Variants in NCL observed in about 807,000 individuals in gnomAD.
The protein encoded by NCL is nucleolin multifunctional protein.
A neutral mutation model predicts 77.7 loss-of-function variants in NCL; 4 were observed. The observed-to-expected ratio is 0.05, with a 90% CI of 0.03 to 0.12. The LOEUF (loss-of-function observed/expected upper bound fraction) is 0.12. Ranked by LOEUF, NCL falls within the 10% of genes least tolerant of loss-of-function variation. The probability of loss-of-function intolerance (pLI) is 1.00; values close to 1 mark genes in which losing one functional copy is unlikely to be tolerated. For synonymous variants in NCL, 344 were observed against 297.8 expected, an observed-to-expected ratio of 1.16 and a Z score of -1.60; for missense variants, 763 against 860.9, an observed-to-expected ratio of 0.89 and a Z score of 1.42.
chr2:231,458,804 T>C (rs1041249009), intron 7 of NCL, 197 bp downstream of exon 7: 7 of 552,742 alleles, frequency 1.3e-5, no homozygotes, highest in Non-Finnish European at 1.4e-5. Flanking sequence ...CTCAGGAATT[T>C]ACACTATAAC....
At chr2:231,460,037 TG>T in intron 6 of NCL, 114 bp downstream of exon 6, 1 of 1,210,596 alleles carries the variant, frequency 8.3e-7, no homozygotes, top group Non-Finnish European at 1.2e-6. Context: ...TGCTAATCCT[TG>T]AAGATGTTTA....
intron 2 of NCL, chr2:231,462,651 G>C (rs13004971): frequency 4.3e-6 from 2 of 466,882 alleles, no homozygotes; most frequent in South Asian, 1.5e-5. Context: ...CGAGAAACCT[G>C]AGCACAATTC....
rs995091363 is a variant in NCL at position 231,461,661 on chromosome 2, A to G, written c.492T>C (p.Asp164=). The part of the protein sequence containing the change: ...EEDEEDDEDE[D]EDEDEIEPAA... The stretch of plus-strand genomic sequence containing the variant: ...CTGGTTCAATTTCATCTTCATCCTC[A>G]TCCTCGTCCTCGTCATCCTCCTCAT... Residue 164 remains aspartate (D), a synonymous_variant, in exon 3 of 14, where the codon GAT becomes GAC. Transcript: ENST00000322723. 12 of 1,610,728 alleles carry G rather than the reference A, an allele frequency of 7.5e-6. No individual in the cohort carries two copies. The highest frequency in any genetic ancestry group is 1.1e-5 in the South Asian group (1 of 91,002).
At chr2:231,457,860 C>T (rs2046906540) in intron 8 of NCL, 60 bp from the exon 9 acceptor site, 5 of 1,439,576 alleles carry the variant, frequency 3.5e-6, no homozygotes, top group African/African-American at 1.4e-5. Context: ...AATGCTTTTA[C>T]CTCAGCAACA....
In NCL at chr2:231,457,485, A is replaced by G. The variant is rs116766996; in HGVS notation, c.1447+158T>C. On this transcript the variant is annotated intron_variant, in intron 9 of 13. Coordinates refer to ENST00000322723, the MANE Select transcript of NCL (RefSeq NM_005381.3). ...CTCTCATTCAAGATTGGAAATTACT[A>G]TTCCAAATAAGAGTATGACTTGGGG... 4,399 of 827,342 alleles carry G rather than the reference A, an allele frequency of 5.3e-3. 25 individuals are homozygous for G. Among genetic ancestry groups the G allele is most frequent in the Admixed American group, 7.2e-3 (323 of 45,174 alleles). The allele number at this position is 827,342 out of a possible 1,614,324, so 51.3% of individuals were successfully genotyped here. A position where few individuals can be genotyped will look rare whatever the true frequency, so the allele number is the denominator to read the frequency against.
In NCL at chr2:231,454,861, C is replaced by A. The variant is rs71355950; in HGVS notation, c.*330G>T. On this transcript the variant is annotated 3_prime_UTR_variant, in exon 14 of 14. Coordinates refer to ENST00000322723, the MANE Select transcript of NCL (RefSeq NM_005381.3). ...CCCACGAACGCAAAAAAAAAAAAAACAAAAACAAAACAAAAAAAAGAAACA... is the reference window on the plus strand; with the variant it reads ...CCCACGAACGCAAAAAAAAAAAAAAAAAAAACAAAACAAAAAAAAGAAACA... The A allele has an allele frequency of 0.057, 8,932 of 157,098 alleles. 424 individuals are homozygous for A. The highest frequency in any genetic ancestry group is 0.077 in the East Asian group (461 of 5,990). 9.7% of individuals were successfully genotyped at this position (157,098 alleles called of 1,614,324 possible). A position where few individuals can be genotyped will look rare whatever the true frequency, so the allele number is the denominator to read the frequency against.
intron 6 of NCL, 29 bp downstream of exon 6, chr2:231,460,123 G>C: frequency 6.3e-7 from 1 of 1,596,100 alleles, no homozygotes; most frequent in Non-Finnish European, 8.5e-7. Context: ...ACAGACCCAC[G>C]TGTATGTAAC....
At position 231,454,175 on chromosome 2, in the gene NCL, G is replaced by T. The variant is rs1435884030; in HGVS notation, c.*1016C>A. ...ATTCCAGAACTGCTTTTTGGGAGATGGGAGTCTCGCTTTGTTACCCAGCCT... is the reference window on the plus strand; with the variant it reads ...ATTCCAGAACTGCTTTTTGGGAGATTGGAGTCTCGCTTTGTTACCCAGCCT... On this transcript the variant is annotated 3_prime_UTR_variant, in exon 14 of 14. Coordinates refer to ENST00000322723, the MANE Select transcript of NCL (RefSeq NM_005381.3). The T allele has an allele frequency of 6.6e-6, 1 of 152,214 alleles. No individual in the cohort carries two copies. Among genetic ancestry groups the T allele is most frequent in the African/African-American group, 2.4e-5 (1 of 41,432 alleles). The allele number at this position is 152,214 out of a possible 1,614,324, so 9.4% of individuals were successfully genotyped here.
chr2:231,460,448 T>TC (rs1344962335), intron 5 of NCL, 30 bp downstream of exon 5: 1 of 1,602,310 alleles, frequency 6.2e-7, no homozygotes, highest in Non-Finnish European at 8.6e-7. Context: ...GCTGTTTATC[T>TC]CCCCCATATC....
chr2:231,459,188 T>C (rs900425208), intron 6 of NCL, 63 bp from the exon 7 acceptor site: 17 of 1,467,794 alleles, frequency 1.2e-5, no homozygotes, highest in South Asian at 7.2e-5. Flanking sequence ...ATCCACAATA[T>C]GTATTCTAGA....
chr2:231,460,063 A>T lies in NCL; in HGVS notation c.1040+89T>A. On this transcript the variant is annotated intron_variant, in intron 6 of 13. Transcript: ENST00000322723. Reference sequence around the variant, plus strand: ...GAAGATGTTTACAGTATTCATGTTTAACAGTAGCAGGCTAAAGTAACTGTG... The same window carrying T: ...GAAGATGTTTACAGTATTCATGTTTTACAGTAGCAGGCTAAAGTAACTGTG... 4 of 1,365,644 alleles carry T rather than the reference A, an allele frequency of 2.9e-6. No individual in the cohort carries two copies. In the South Asian group the frequency reaches 4.2e-5, roughly 14 times the overall value. 84.6% of individuals were successfully genotyped at this position (1,365,644 alleles called of 1,614,324 possible). A position where few individuals can be genotyped will look rare whatever the true frequency, so the allele number is the denominator to read the frequency against.
At chr2:231,464,064 C>T in intron 1 of NCL, 1 of 1,289,042 alleles carries the variant, frequency 7.8e-7, no homozygotes, top group African/African-American at 1.5e-5. Flanking sequence ...TTGGTCTCAT[C>T]TCTCCACCCC....
Position 231,464,471 on chromosome 2 carries a change from G to T in NCL, c.-118C>A, listed in dbSNP as rs528798106. On this transcript the variant is annotated 5_prime_UTR_variant, in exon 1 of 14. Transcript: ENST00000322723. ...GGAGCACGTACACCCGAAGGCCAGC[G>T]AGAGCTCGAGACTGAGGCGAAAGAC... is the stretch of plus-strand genomic sequence containing the variant. 258 of 1,388,986 alleles carry T rather than the reference G, an allele frequency of 1.9e-4. 2 individuals are homozygous for T. In the African/African-American group the frequency reaches 3.4e-3, roughly 18 times the overall value. 86.0% of individuals were successfully genotyped at this position (1,388,986 alleles called of 1,614,324 possible).
intron 12 of NCL, 101 bp downstream of exon 12, chr2:231,455,909 T>G (rs185290422): frequency 6.4e-7 from 1 of 1,571,994 alleles, no homozygotes; most frequent in East Asian, 2.2e-5. Context: ...CTGCCACTGA[T>G]AGACAGAAAG....
Position 231,456,651 on chromosome 2 carries a change from C to G in NCL, c.1685G>C (p.Gly562Ala), listed in dbSNP as rs201202820. ...CTTACGGCTTCTGGCATTAGGTGAT[C>G]CCCTGGGTCCTTGCAACTCCAGCCT... Reference protein sequence around the residue: ...AIRLELQGPRGSPNARSQPSK... With the variant: ...AIRLELQGPRASPNARSQPSK... The change falls in exon 11 of 14, where the codon GGA becomes GCA. Residue 562 changes from glycine (G) to alanine (A), a missense_variant. This residue lies in a region of NCL where 173 missense variants were observed against 290.4 expected (regional missense o/e 0.60). Transcript: ENST00000322723. 5.0e-6 allele frequency: 8 copies of G among 1,614,070 alleles called. No homozygotes were observed. The Admixed American group carries it at 1.3e-4, about 27-fold the overall frequency.
chr2:231,457,408 A>T, intron 9 of NCL: 1 of 752,128 alleles, frequency 1.3e-6, no homozygotes, highest in South Asian at 1.5e-5. Flanking sequence ...AAACATGCCT[A>T]CAAAGGAAGC....
chr2:231,463,990 G>A, intron 1 of NCL: 6 of 579,828 alleles, frequency 1.0e-5, no homozygotes, highest in South Asian at 4.0e-5. Context: ...GGCCCACGTG[G>A]CAGGCCGCGC....
At chr2:231,463,464 C>T in intron 1 of NCL, 148 bp from the exon 2 acceptor site, 2 of 704,626 alleles carry the variant, frequency 2.8e-6, no homozygotes, top group Non-Finnish European at 2.5e-6. Flanking sequence ...GAAACTACTC[C>T]TGATGGCAAT....
Position 231,456,057 on chromosome 2 carries a change from G to A in NCL, c.1785C>T (p.Ser595=), listed in dbSNP as rs139786193. ...GGTCAGTAACTATCCTTGCCCGAACGGAGCCGTCAAATGACTCCTTTAATG... is the reference window on the plus strand; with the variant it reads ...GGTCAGTAACTATCCTTGCCCGAACAGAGCCGTCAAATGACTCCTTTAATG... ...EETLKESFDG[S]VRARIVTDRE... Residue 595 remains serine, a synonymous_variant, in exon 12 of 14, where the codon TCC becomes TCT. Coordinates refer to ENST00000322723, the MANE Select transcript of NCL (RefSeq NM_005381.3). 5.9e-5 allele frequency: 96 copies of A among 1,614,000 alleles called. No homozygotes were observed. The highest frequency in any genetic ancestry group is 1.2e-4 in the Admixed American group (7 of 59,988).
Sources: gnomAD v4.1 joint callset for allele counts on GRCh38, gnomAD v4.1.1 for gene constraint, gnomAD v4.1.1 regional missense constraint, MANE v1.5 for transcripts, NCBI Gene and HGNC (gene_info 2026-07-23, HGNC 2026-07-21) for gene names.